MICALL2: variants seen among roughly 807,000 people sequenced by gnomAD.
The protein encoded by MICALL2 is MICAL-like protein 2.
MICALL2 carries 111 observed loss-of-function variants against 91.1 expected under a neutral mutation model. The ratio of observed to expected loss-of-function variants is 1.22; its 90% confidence interval spans 1.04 to 1.43. The LOEUF (loss-of-function observed/expected upper bound fraction) is 1.43, where lower values mean the gene tolerates loss of function less well. MICALL2 is among the 40% of genes most tolerant of loss of function. The pLI, the probability that MICALL2 is intolerant of heterozygous loss-of-function variation, is 0.00. For synonymous variants in MICALL2, 694 were observed against 525.3 expected, an observed-to-expected ratio of 1.32 and a Z score of -4.39; for missense variants, 1,556 against 1,236.0, an observed-to-expected ratio of 1.26 and a Z score of -3.88.
Position 1,451,312 on chromosome 7 carries a change from C to T in MICALL2, c.144-1024G>A, listed in dbSNP as rs550784780. 1.3e-5 allele frequency among the ~76,000 whole-genome samples: 2 copies of T among 152,062 alleles called. No homozygotes were observed. Among genetic ancestry groups the T allele is most frequent in the Non-Finnish European group, 2.9e-5 (2 of 67,990 alleles). ...GGCCCCAGCCCAGCCCCAGGCCCTC[C>T]GACAAAAACCACCAGGCTCCCAGCA... On this transcript the variant is annotated intron_variant, in intron 1 of 16. Coordinates refer to ENST00000297508, the MANE Select transcript of MICALL2 (RefSeq NM_182924.4). The surrounding 1 kb of genome is among the most constrained non-coding windows in gnomAD (Gnocchi z 4.5).
chr7:1,452,081 C>T lies in MICALL2; in HGVS notation c.144-1793G>A, dbSNP rs1264508622. 6.6e-6 allele frequency among the ~76,000 whole-genome samples: 1 copy of T among 152,182 alleles called. No individual in the cohort carries two copies. ...TGCCGTCCATCAATCTGCTGGGATC[C>T]TTGGGAACCCTCCACCGTTTCCAGC... On this transcript the variant is annotated intron_variant, in intron 1 of 16. Transcript: ENST00000297508. This position sits in a 1 kb window ranked among gnomAD's most constrained non-coding sequence, Gnocchi z 6.2.
intron 6 of MICALL2, among the ~76,000 whole-genome samples, 187 bp from the exon 7 acceptor site, chr7:1,442,671 C>A (rs537981350): frequency 1.4e-5 from 2 of 139,786 alleles, no homozygotes; most frequent in African/African-American, 5.0e-5. Context: ...CCGCCTCCCC[C>A]ACCATTGCAC....
intron 7 of MICALL2, chr7:1,441,754 G>A (rs933365315): frequency 2.9e-5 from 6 of 210,220 alleles, no homozygotes; most frequent in Non-Finnish European, 5.8e-5. Flanking sequence ...CACCATCTCC[G>A]GTATGTGGTG....
intron 8 of MICALL2, 121 bp downstream of exon 8, chr7:1,440,470 T>A (rs571339102): frequency 1.1e-6 from 1 of 882,676 alleles, no homozygotes; most frequent in African/African-American, 1.6e-5. Flanking sequence ...TGGCCTCTGC[T>A]ACTCACAGGG....
At position 1,444,777 on chromosome 7, in the gene MICALL2, G is replaced by A. The variant is rs1265751490; in HGVS notation, c.1293C>T (p.Ser431=). The A allele has an allele frequency of 1.1e-5, 18 of 1,611,890 alleles. No homozygotes were observed. The Admixed American group carries it at 2.7e-4, about 24-fold the overall frequency. Residue 431 remains serine (S), a synonymous_variant, in exon 6 of 17, where the codon AGC becomes AGT. Transcript: ENST00000297508. Reference sequence around the variant, plus strand: ...ACGGGGTGGGACCTCTGCCAGAAAGGCTGGTGCCGGGGGGCACTGCTGATG... The same window carrying A: ...ACGGGGTGGGACCTCTGCCAGAAAGACTGGTGCCGGGGGGCACTGCTGATG... ...FQTSAVPPGT[S]LSGRGPTPSL...
At chr7:1,444,625 G>T in intron 6 of MICALL2, 27 bp downstream of exon 6, 1 of 1,595,654 alleles carries the variant, frequency 6.3e-7, no homozygotes, top group South Asian at 1.1e-5. Context: ...GGCCATACCC[G>T]GGGTCCCTCG....
In MICALL2 at chr7:1,437,728, C is replaced by T. The variant is rs1410389552; in HGVS notation, c.2403-120G>A. On this transcript the variant is annotated intron_variant, in intron 13 of 16. Transcript: ENST00000297508. ...GACACGAGTCTGAGGCCTGACTCGC[C>T]GCCCGTCCCCCGCCTGGCCCACCCA... is the stretch of plus-strand genomic sequence containing the variant. 15 of 1,264,450 alleles carry T rather than the reference C, an allele frequency of 1.2e-5. No individual in the cohort carries two copies. The East Asian group carries it at 1.8e-4, about 15-fold the overall frequency. 78.3% of individuals were successfully genotyped at this position (1,264,450 alleles called of 1,614,324 possible).
chr7:1,441,615 G>C (rs531121313), intron 7 of MICALL2: 2 of 158,702 alleles, frequency 1.3e-5, no homozygotes, highest in East Asian at 1.9e-4. Context: ...ACCACCACCG[G>C]GGGGGACGGA....
At chr7:1,449,124 C>T (rs1428487014) in intron 2 of MICALL2, among the ~76,000 whole-genome samples, 2 of 152,202 alleles carry the variant, frequency 1.3e-5, no homozygotes, top group African/African-American at 2.4e-5. Context: ...TGAGCCCTCC[C>T]CGGGGGCCAG....
At chr7:1,443,464 G>A (rs1327938768) in intron 6 of MICALL2, among the ~76,000 whole-genome samples, 2 of 152,196 alleles carry the variant, frequency 1.3e-5, no homozygotes, top group East Asian at 1.9e-4. Flanking sequence ...CTCGCTAAGT[G>A]ACTGTACTTG....
At chr7:1,434,815 G>T in intron 16 of MICALL2, 143 bp from the exon 17 acceptor site, 1 of 895,444 alleles carries the variant, frequency 1.1e-6, no homozygotes, top group Non-Finnish European at 1.7e-6. Flanking sequence ...GAAGCCCTGT[G>T]CCCTCCCACG....
intron 7 of MICALL2, 127 bp from the exon 8 acceptor site, chr7:1,440,811 G>A (rs1780244932): frequency 1.6e-5 from 12 of 760,920 alleles, no homozygotes; most frequent in South Asian, 7.8e-5. Flanking sequence ...CCCACAGCCA[G>A]CCGGCCGGGG....
Position 1,440,697 on chromosome 7 carries a change from C to A in MICALL2, c.1712-13G>T. 1 of 1,607,372 alleles carries A rather than the reference C, an allele frequency of 6.2e-7. No homozygotes were observed. Among genetic ancestry groups the A allele is most frequent in the Non-Finnish European group, 8.5e-7 (1 of 1,177,450 alleles). ...CTGGTGCTCATGTCTGGGTGGGAGG[C>A]AAGGGGTCTGGGTGTGAGGAAGGAG... is the stretch of plus-strand genomic sequence containing the variant. On this transcript the variant is annotated splice_polypyrimidine_tract_variant and intron_variant, in intron 7 of 16. Coordinates refer to ENST00000297508, the MANE Select transcript of MICALL2 (RefSeq NM_182924.4).
intron 1 of MICALL2, among the ~76,000 whole-genome samples, chr7:1,454,809 A>G (rs963716630): frequency 6.6e-6 from 1 of 152,062 alleles, no homozygotes; most frequent in Non-Finnish European, 1.5e-5. Context: ...CTGGCCCCCA[A>G]CAATAGTGGT....
At chr7:1,440,880 C>T in intron 7 of MICALL2, 196 bp from the exon 8 acceptor site, 1 of 574,156 alleles carries the variant, frequency 1.7e-6, no homozygotes, top group Non-Finnish European at 3.2e-6. Flanking sequence ...CTCTCCTGTG[C>T]TGTGTGTCCC....
chr7:1,453,194 C>T (rs1333889097), intron 1 of MICALL2, among the ~76,000 whole-genome samples: 2 of 152,138 alleles, frequency 1.3e-5, no homozygotes, highest in Non-Finnish European at 2.9e-5. Context: ...AATTCCACCA[C>T]GTGACCTTAT....
Position 1,459,417 on chromosome 7 carries a change from G to A in MICALL2, c.-91C>T. Reference sequence around the variant, plus strand: ...CGCCCGGCCGGCGGGACAGACGCTGGGACCGCTACGGAACCGCCAGACCCA... The same window carrying A: ...CGCCCGGCCGGCGGGACAGACGCTGAGACCGCTACGGAACCGCCAGACCCA... On this transcript the variant is annotated 5_prime_UTR_variant, in exon 1 of 17. Transcript: ENST00000297508. 5 of 1,239,174 alleles carry A rather than the reference G, an allele frequency of 4.0e-6. No individual in the cohort carries two copies. The highest frequency in any genetic ancestry group is 3.9e-5 in the South Asian group (2 of 51,792). 76.8% of individuals were successfully genotyped at this position (1,239,174 alleles called of 1,614,324 possible).
Position 1,438,352 on chromosome 7 carries a change from C to T in MICALL2, c.2124G>A (p.Gly708=), listed in dbSNP as rs761349272. 6.2e-7 allele frequency: 1 copy of T among 1,601,086 alleles called. No individual in the cohort carries two copies. Among genetic ancestry groups the T allele is most frequent in the Non-Finnish European group, 8.5e-7 (1 of 1,175,320 alleles). ...GGACATTGGCCGGGGACAAGGGTCT[C>T]CCTGGAGAAGGAGCAGGGTGAGCCT... The part of the protein sequence containing the change: ...EKKPHLQGKP[G]RPLSPANVPA... The change falls in exon 11 of 17, where the codon GGG becomes GGA. Residue 708 remains glycine (G), a splice_region_variant and synonymous_variant. Coordinates refer to ENST00000297508, the MANE Select transcript of MICALL2 (RefSeq NM_182924.4).
chr7:1,437,465 G>C (rs575596251), intron 14 of MICALL2, 70 bp downstream of exon 14: 2 of 1,378,172 alleles, frequency 1.5e-6, no homozygotes, highest in Non-Finnish European at 9.6e-7. Flanking sequence ...TCACAGAGCC[G>C]GCCCCCAGAC....
Sources: allele counts gnomAD v4.1 joint callset (sites outside exome capture counted in the v4.1 genomes callset), GRCh38; gene constraint gnomAD v4.1.1; non-coding constraint Gnocchi (gnomAD v3.1); transcripts MANE v1.5; gene names NCBI Gene and HGNC (gene_info 2026-07-23, HGNC 2026-07-21).